The following TAOK1 variants were observed in gnomAD, a reference collection of about 807,000 sequenced individuals.
TAOK1 encodes the protein serine/threonine-protein kinase TAO1.
In TAOK1, 21 loss-of-function variants were observed where a neutral mutation model predicts 138.3. That is an observed-to-expected ratio of 0.15 (90% confidence interval 0.11 to 0.22). The LOEUF (loss-of-function observed/expected upper bound fraction) is 0.22. TAOK1 is among the 10% of genes least tolerant of loss of function. The pLI is 1.00. For missense variants in TAOK1, 651 were observed against 1,227.7 expected, an observed-to-expected ratio of 0.53 and a Z score of 7.02; for synonymous variants, 361 against 398.4, an observed-to-expected ratio of 0.91 and a Z score of 1.12.
chr17:29,446,864 G>A (rs2030093357), intron 1 of TAOK1, among the ~76,000 whole-genome samples: 1 of 151,016 alleles, frequency 6.6e-6, no homozygotes, highest in Non-Finnish European at 1.5e-5. Flanking sequence ...TCAGCCTCCT[G>A]AGTAGCTGGG....
chr17:29,486,187 G>A (rs1275552865), intron 8 of TAOK1, among the ~76,000 whole-genome samples: 1 of 152,150 alleles, frequency 6.6e-6, no homozygotes, highest in Non-Finnish European at 1.5e-5. Context: ...TGCTTTGGGG[G>A]CTGAGGTGAG....
At chr17:29,487,707 CAAAAT>C (rs1472610038) in intron 8 of TAOK1, among the ~76,000 whole-genome samples, 2 of 152,042 alleles carry the variant, frequency 1.3e-5, no homozygotes, top group Non-Finnish European at 2.9e-5. Context: ...ATTTGAACAT[CAAAAT>C]AAATGATATA....
chr17:29,421,612 CTTTT>C (rs1905447001), intron 1 of TAOK1, among the ~76,000 whole-genome samples: 2 of 152,036 alleles, frequency 1.3e-5, no homozygotes, highest in African/African-American at 4.8e-5. Flanking sequence ...GTTAGGTTAT[CTTTT>C]TTTGTTTGTC....
At chr17:29,486,588 G>A (rs1203559333) in intron 8 of TAOK1, among the ~76,000 whole-genome samples, 3 of 151,978 alleles carry the variant, frequency 2.0e-5, no homozygotes, top group Non-Finnish European at 2.9e-5. Context: ...AGCCGAGATC[G>A]TGCCACTTCA....
chr17:29,412,157 C>T (rs565208464), intron 1 of TAOK1, among the ~76,000 whole-genome samples: 27 of 152,236 alleles, frequency 1.8e-4, no homozygotes, highest in African/African-American at 5.3e-4. Context: ...ATTCTCCTGC[C>T]TCGGCCTCCC....
chr17:29,531,491 A>G (rs7208232), intron 18 of TAOK1, among the ~76,000 whole-genome samples: 1 of 148,196 alleles, frequency 6.7e-6, no homozygotes, highest in Non-Finnish European at 1.5e-5. Flanking sequence ...GCTGCGCGCC[A>G]GTGGCTCACG....
rs142747547 is a variant in TAOK1 at position 29,493,167 on chromosome 17, A to G, written c.831+1302A>G. On this transcript the variant is annotated intron_variant, in intron 10 of 19. Coordinates refer to ENST00000261716, the MANE Select transcript of TAOK1 (RefSeq NM_020791.4). ...AAAAAAAGAAAGAAAGAAGAAGACAATATTGTAAATAGTGGTACACATCAA... is the reference window on the plus strand; with the variant it reads ...AAAAAAAGAAAGAAAGAAGAAGACAGTATTGTAAATAGTGGTACACATCAA... Among the ~76,000 whole-genome samples, 32 of 151,630 alleles carry G rather than the reference A, an allele frequency of 2.1e-4. No individual in the cohort carries two copies. In the East Asian group the frequency reaches 6.2e-3, roughly 30 times the overall value.
chr17:29,424,437 A>AC (rs1491442885), intron 1 of TAOK1, among the ~76,000 whole-genome samples: 2 of 47,872 alleles, frequency 4.2e-5, no homozygotes, highest in East Asian at 4.1e-3. Flanking sequence ...ACTCCCTCTC[A>AC]AAAAAAAAAA....
At chr17:29,465,091 G>A (rs2153025440) in intron 2 of TAOK1, among the ~76,000 whole-genome samples, 1 of 147,242 alleles carries the variant, frequency 6.8e-6, no homozygotes, top group South Asian at 2.2e-4. Flanking sequence ...AAAGTGCTGG[G>A]ATTATAGGCA....
chr17:29,494,341 A>G (rs765584900), intron 10 of TAOK1, among the ~76,000 whole-genome samples: 18 of 151,176 alleles, frequency 1.2e-4, no homozygotes, highest in Non-Finnish European at 1.8e-4. Flanking sequence ...TCTACCCCCC[A>G]CCCCCCAAAA....
At chr17:29,401,316 G>A (rs911232584) in intron 1 of TAOK1, among the ~76,000 whole-genome samples, 2 of 152,086 alleles carry the variant, frequency 1.3e-5, no homozygotes, top group Admixed American at 6.6e-5. Flanking sequence ...ATGTGCTCAC[G>A]GTTCTGTGGG....
chr17:29,534,988 A>C (rs1033435824), intron 19 of TAOK1, among the ~76,000 whole-genome samples: 1 of 151,210 alleles, frequency 6.6e-6, no homozygotes, highest in African/African-American at 2.4e-5. Context: ...CGATGGACAG[A>C]AGATTTTGAG....
Position 29,489,344 on chromosome 17 carries a change from A to G in TAOK1, c.656-320A>G, listed in dbSNP as rs939235396. ...GAAACCCCATCTCTACAGAAAATAC[A>G]AAACTTAATTGGGCATGGTGGTGCA... On this transcript the variant is annotated intron_variant, in intron 8 of 19. Transcript: ENST00000261716. Among the ~76,000 whole-genome samples, 12 of 152,174 alleles carry G rather than the reference A, an allele frequency of 7.9e-5. 1 individual carries two copies. The highest frequency in any genetic ancestry group is 2.6e-4 in the Admixed American group (4 of 15,276).
intron 11 of TAOK1, among the ~76,000 whole-genome samples, chr17:29,496,066 T>C (rs1007444688): frequency 6.6e-6 from 1 of 152,080 alleles, no homozygotes; most frequent in African/African-American, 2.4e-5. Flanking sequence ...CCTTCTCTAA[T>C]TTCTTGACCA....
In TAOK1 at chr17:29,522,271, A is replaced by T; in HGVS notation, c.1909-9A>T. 6.2e-7 allele frequency: 1 copy of T among 1,613,064 alleles called. No individual in the cohort carries two copies. Among genetic ancestry groups the T allele is most frequent in the East Asian group, 2.2e-5 (1 of 44,852 alleles). Reference sequence around the variant, plus strand: ...AAGTTATACCTTTGTCTTTTGTGTTATGGATTAGGAGTTAAACAAAAGACA... The same window carrying T: ...AAGTTATACCTTTGTCTTTTGTGTTTTGGATTAGGAGTTAAACAAAAGACA... On this transcript the variant is annotated splice_polypyrimidine_tract_variant and intron_variant, in intron 16 of 19. Transcript: ENST00000261716.
At chr17:29,433,019 G>A (rs1348227993) in intron 1 of TAOK1, among the ~76,000 whole-genome samples, 2 of 152,066 alleles carry the variant, frequency 1.3e-5, no homozygotes, top group African/African-American at 4.8e-5. Flanking sequence ...CTCGGCCTTC[G>A]TAAGTGTTGG....
intron 3 of TAOK1, among the ~76,000 whole-genome samples, chr17:29,472,514 A>G (rs931510091): frequency 1.5e-4 from 23 of 151,042 alleles, no homozygotes; most frequent in African/African-American, 5.4e-4. Context: ...CGGCCTCCCA[A>G]AGTGTTGGGA....
At chr17:29,409,329 A>G (rs1443173663) in intron 1 of TAOK1, among the ~76,000 whole-genome samples, 9 of 87,422 alleles carry the variant, frequency 1.0e-4, no homozygotes, top group African/African-American at 4.3e-4. Context: ...ATATATATAT[A>G]TATATTTTTT....
intron 1 of TAOK1, among the ~76,000 whole-genome samples, chr17:29,438,621 C>T (rs943650100): frequency 4.6e-5 from 7 of 152,122 alleles, no homozygotes; most frequent in Non-Finnish European, 8.8e-5. Context: ...CTCAGGAGGT[C>T]GAGGCTGCAG....
Sources: allele counts gnomAD v4.1 joint callset (sites outside exome capture counted in the v4.1 genomes callset), GRCh38; gene constraint gnomAD v4.1.1; transcripts MANE v1.5; gene names NCBI Gene and HGNC (gene_info 2026-07-23, HGNC 2026-07-21).